ZNF316: variants seen among roughly 807,000 people sequenced by gnomAD.
ZNF316 encodes zinc finger protein 316.
In ZNF316, 23 loss-of-function variants were observed where a neutral mutation model predicts 75.6. The ratio of observed to expected loss-of-function variants is 0.30; its 90% CI spans 0.22 to 0.43. The LOEUF (loss-of-function observed/expected upper bound fraction) is 0.43. ZNF316 is among the 20% of genes least tolerant of loss of function. The pLI is 1.00. For missense variants in ZNF316, 1,266 were observed against 1,409.4 expected, an observed-to-expected ratio of 0.90 and a Z score of 1.63; for synonymous variants, 827 against 666.2, an observed-to-expected ratio of 1.24 and a Z score of -3.72.
intron 8 of ZNF316, among the ~76,000 whole-genome samples, chr7:6,649,355 G>C (rs1779464645): frequency 6.6e-6 from 1 of 152,186 alleles, no homozygotes. Context: ...ACCCTGGGCT[G>C]CTGTCGCATG....
chr7:6,649,053 G>A (rs369857288), intron 8 of ZNF316, among the ~76,000 whole-genome samples: 17 of 152,110 alleles, frequency 1.1e-4, no homozygotes, highest in East Asian at 7.7e-4. Context: ...GTCACCTGCC[G>A]CTGGATGGGG....
chr7:6,638,636 T>C (rs1322220439), intron 2 of ZNF316, among the ~76,000 whole-genome samples: 5 of 151,724 alleles, frequency 3.3e-5, no homozygotes, highest in Middle Eastern at 3.4e-3. Flanking sequence ...AGGGCCCTAG[T>C]AGAAATGAGG....
rs144939454 is a variant in ZNF316 at position 6,644,609 on chromosome 7, A to T, written c.706+16A>T. 5.2e-5 allele frequency: 64 copies of T among 1,224,390 alleles called. No homozygotes were observed. In the African/African-American group the frequency reaches 9.0e-4, roughly 17 times the overall value. 75.8% of individuals were successfully genotyped at this position (1,224,390 alleles called of 1,614,324 possible). On this transcript the variant is annotated intron_variant, in intron 8 of 8. Transcript: ENST00000382252. ...GTCTACACAGGTGAGCGTGGATGGA[A>T]TTTTGCGGTTTGTGCCGATAGCTTC...
intron 8 of ZNF316, among the ~76,000 whole-genome samples, chr7:6,650,460 C>T (rs1779487714): frequency 6.6e-6 from 1 of 152,174 alleles, no homozygotes; most frequent in African/African-American, 2.4e-5. Context: ...TCTATGATGC[C>T]TGTTTTTTCA....
In ZNF316 at chr7:6,652,502, C is replaced by A. The variant is rs1038859743; in HGVS notation, c.906C>A (p.Gly302=). ...CAGAGGGGTGGGGACCCGACCCAGG[C>A]GGCCTGGGGGTCCTGGCCGACGGCT... ...QTPEGWGPDP[G]GLGVLADGSE... is the part of the protein sequence containing the mutation. The change falls in exon 9 of 9, where the codon GGC becomes GGA. Residue 302 remains glycine (G), a synonymous_variant. Transcript: ENST00000382252. The A allele has an allele frequency of 5.7e-6, 7 of 1,231,240 alleles. No homozygotes were observed. Among genetic ancestry groups the A allele is most frequent in the Non-Finnish European group, 6.1e-6 (6 of 987,594 alleles). 76.3% of individuals were successfully genotyped at this position (1,231,240 alleles called of 1,614,324 possible).
Position 6,639,899 on chromosome 7 carries a change from G to T in ZNF316, c.-167+758G>T, listed in dbSNP as rs1175572925. Among the ~76,000 whole-genome samples the T allele has an allele frequency of 6.6e-6, 1 of 152,178 alleles. No homozygotes were observed. The highest frequency in any genetic ancestry group is 6.5e-5 in the Admixed American group (1 of 15,282). ...TTCGACACTTTGGGCATCTTCACACGCCAAAGAGCTGTGGACACTGAGAAG... is the reference window on the plus strand; with the variant it reads ...TTCGACACTTTGGGCATCTTCACACTCCAAAGAGCTGTGGACACTGAGAAG... On this transcript the variant is annotated intron_variant, in intron 3 of 8. Coordinates refer to ENST00000382252, the MANE Select transcript of ZNF316 (RefSeq NM_001278559.2). The surrounding 1 kb of genome is among the most constrained non-coding windows in gnomAD (Gnocchi z 4.2).
In ZNF316 at chr7:6,654,010, G is replaced by A; in HGVS notation, c.2414G>A (p.Cys805Tyr). Residue 805 changes from cysteine (C) to tyrosine (Y), a missense_variant, in exon 9 of 9, where the codon TGT (cysteine) becomes TAT (tyrosine). Transcript: ENST00000382252. ...CACACCGGGGAGCGGCCTTACGCGTGTGGAGAGTGCGGCCGGCGCTTCGGG... is the reference window on the plus strand; with the variant it reads ...CACACCGGGGAGCGGCCTTACGCGTATGGAGAGTGCGGCCGGCGCTTCGGG... The part of the protein sequence containing the change: ...RAHTGERPYA[C>Y]GECGRRFGQS... 8.4e-7 allele frequency: 1 copy of A among 1,188,992 alleles called. No individual in the cohort carries two copies. The highest frequency in any genetic ancestry group is 1.0e-6 in the Non-Finnish European group (1 of 960,830). The allele number at this position is 1,188,992 out of a possible 1,614,324, so 73.7% of individuals were successfully genotyped here.
chr7:6,648,562 G>C (rs1470703862), intron 8 of ZNF316, among the ~76,000 whole-genome samples: 1 of 152,200 alleles, frequency 6.6e-6, no homozygotes, highest in East Asian at 1.9e-4. Context: ...CATCCTGGCA[G>C]CAGTCCCACC....
At chr7:6,651,528 G>T (rs375232912) in intron 8 of ZNF316, among the ~76,000 whole-genome samples, 1 of 152,026 alleles carries the variant, frequency 6.6e-6, no homozygotes, top group Admixed American at 6.6e-5. Flanking sequence ...GGTGCTGTGC[G>T]CCTGTAATCC....
At position 6,643,953 on chromosome 7, in the gene ZNF316, G is replaced by A. The variant is rs1779354844; in HGVS notation, c.592+5G>A. Reference sequence around the variant, plus strand: ...ATGGGATTCTCGTGTCCTTGGGTAAGGACGGGACCTTTTGTCCCCAAGAGG... The same window carrying A: ...ATGGGATTCTCGTGTCCTTGGGTAAAGACGGGACCTTTTGTCCCCAAGAGG... On this transcript the variant is annotated splice_donor_5th_base_variant and intron_variant, in intron 7 of 8. Coordinates refer to ENST00000382252, the MANE Select transcript of ZNF316 (RefSeq NM_001278559.2). 3 of 1,232,478 alleles carry A rather than the reference G, an allele frequency of 2.4e-6. No individual in the cohort carries two copies. The South Asian group carries it at 1.2e-4, about 51-fold the overall frequency. The allele number at this position is 1,232,478 out of a possible 1,614,324, so 76.3% of individuals were successfully genotyped here.
In ZNF316 at chr7:6,657,850, AAAAAAAAG is replaced by A. The variant is rs1779654100; in HGVS notation, c.*3240_*3247del. Among the ~76,000 whole-genome samples the A allele has an allele frequency of 6.6e-6, 1 of 150,970 alleles. No homozygotes were observed. The highest frequency in any genetic ancestry group is 1.5e-5 in the Non-Finnish European group (1 of 67,772). ...TCTCACCAAAAAAAAAAAAAAAAAA[AAAAAAAAG>A]GTTCCCCGATAGAACTTATAGTTGA... is the stretch of plus-strand genomic sequence containing the variant. On this transcript the variant is annotated 3_prime_UTR_variant, in exon 9 of 9. Coordinates refer to ENST00000382252, the MANE Select transcript of ZNF316 (RefSeq NM_001278559.2).
rs1779537822 is a variant in ZNF316, at chr7:6,652,933, C to T, written c.1337C>T (p.Thr446Met). ...AGFGRRSYLV[T>M]HQRTHTGERP... is the part of the protein sequence containing the mutation. The stretch of plus-strand genomic sequence containing the variant: ...TTCGGGCGCCGCTCCTACCTGGTCA[C>T]GCACCAGCGCACGCACACCGGCGAG... The change falls in exon 9 of 9, where the codon ACG (threonine) becomes ATG (methionine). Residue 446 changes from threonine to methionine, a missense_variant. Transcript: ENST00000382252. 3 of 1,241,446 alleles carry T rather than the reference C, an allele frequency of 2.4e-6. No homozygotes were observed. Among genetic ancestry groups the T allele is most frequent in the Non-Finnish European group, 2.0e-6 (2 of 992,764 alleles). The allele number at this position is 1,241,446 out of a possible 1,614,324, so 76.9% of individuals were successfully genotyped here.
rs933495387 is a variant in ZNF316 at position 6,642,878 on chromosome 7, G to C, written c.356-86G>C. The C allele has an allele frequency of 4.1e-6, 5 of 1,232,110 alleles. No individual in the cohort carries two copies. Among genetic ancestry groups the C allele is most frequent in the Non-Finnish European group, 5.1e-6 (5 of 988,080 alleles). 76.3% of individuals were successfully genotyped at this position (1,232,110 alleles called of 1,614,324 possible). On this transcript the variant is annotated intron_variant, in intron 5 of 8. Transcript: ENST00000382252. This position sits in a 1 kb window ranked among gnomAD's most constrained non-coding sequence, Gnocchi z 8.1. ...GCCGACAGGGTGGAGCTGAAACCCAGCTTTGCAATGAGGGTGTTGCCAGGG... is the reference window on the plus strand; with the variant it reads ...GCCGACAGGGTGGAGCTGAAACCCACCTTTGCAATGAGGGTGTTGCCAGGG...
chr7:6,652,171 T>G, intron 8 of ZNF316, 132 bp from the exon 9 acceptor site: 1 of 827,158 alleles, frequency 1.2e-6, no homozygotes, highest in Non-Finnish European at 1.6e-6. Context: ...TGAAAGGAGG[T>G]GCCCCGTCCG....
At position 6,643,962 on chromosome 7, in the gene ZNF316, C is replaced by G; in HGVS notation, c.592+14C>G. The G allele has an allele frequency of 1.6e-6, 2 of 1,232,286 alleles. No individual in the cohort carries two copies. The highest frequency in any genetic ancestry group is 2.0e-6 in the Non-Finnish European group (2 of 988,072). The allele number at this position is 1,232,286 out of a possible 1,614,324, so 76.3% of individuals were successfully genotyped here. On this transcript the variant is annotated intron_variant, in intron 7 of 8. Transcript: ENST00000382252. ...TCGTGTCCTTGGGTAAGGACGGGAC[C>G]TTTTGTCCCCAAGAGGCAGCCTGGT...
Position 6,648,410 on chromosome 7 carries a change from C to T in ZNF316, c.706+3817C>T, listed in dbSNP as rs200293739. 1.6e-4 allele frequency among the ~76,000 whole-genome samples: 24 copies of T among 152,280 alleles called. No individual in the cohort carries two copies. The East Asian group carries it at 3.9e-3, about 24-fold the overall frequency. The stretch of plus-strand genomic sequence containing the variant: ...CCTGACATTTGGGGGACAACTTGAG[C>T]GGTGACCAACAGAAAGCATGGGATG... On this transcript the variant is annotated intron_variant, in intron 8 of 8. Coordinates refer to ENST00000382252, the MANE Select transcript of ZNF316 (RefSeq NM_001278559.2).
At chr7:6,651,490 A>C (rs768100068) in intron 8 of ZNF316, among the ~76,000 whole-genome samples, 32 of 152,282 alleles carry the variant, frequency 2.1e-4, no homozygotes, top group Non-Finnish European at 3.4e-4. Context: ...CTCCATCTCT[A>C]CTAAAAATAC....
chr7:6,642,499 A>AGAG lies in ZNF316; in HGVS notation c.105_107dup (p.Glu36dup), dbSNP rs1180920056. 3.2e-6 allele frequency: 4 copies of AGAG among 1,233,284 alleles called. No individual in the cohort carries two copies. The South Asian group carries it at 1.6e-4, about 50-fold the overall frequency. The allele number at this position is 1,233,284 out of a possible 1,614,324, so 76.4% of individuals were successfully genotyped here. ...CAGAGTGCGACCCTGACCAGGAAGA[A>AGAG]GAGGAGGAGGAGGAGGAAAAGGGGG... On this transcript the variant is annotated inframe_insertion, in exon 5 of 9. Coordinates refer to ENST00000382252, the MANE Select transcript of ZNF316 (RefSeq NM_001278559.2). This position sits in a 1 kb window ranked among gnomAD's most constrained non-coding sequence, Gnocchi z 8.1.
intron 3 of ZNF316, among the ~76,000 whole-genome samples, chr7:6,641,304 C>T (rs911352918): frequency 6.6e-6 from 1 of 152,204 alleles, no homozygotes; most frequent in Non-Finnish European, 1.5e-5. Context: ...GGATTCTGGG[C>T]TTGGCTTGCT....
Sources: gnomAD v4.1 joint callset for allele counts (sites outside exome capture counted in the v4.1 genomes callset) on GRCh38, gnomAD v4.1.1 for gene constraint, Gnocchi (gnomAD v3.1) non-coding constraint, MANE v1.5 for transcripts, NCBI Gene and HGNC (gene_info 2026-07-23, HGNC 2026-07-21) for gene names.